RDX: variants seen among roughly 807,000 people sequenced by gnomAD.
RDX encodes the protein deafness, autosomal recessive 24.
In RDX, 32 loss-of-function variants were observed where a neutral mutation model predicts 83.7. The observed-to-expected ratio is 0.38, with a 90% confidence interval of 0.29 to 0.51. RDX has a LOEUF of 0.51. Among genes scored for constraint, RDX ranks in the 20% least tolerant of loss-of-function variants. The pLI, the probability that RDX is intolerant of heterozygous loss-of-function variation, is 0.87. For missense variants in RDX, 600 were observed against 689.9 expected (o/e 0.87, Z 1.46); for synonymous variants, 229 against 222.7 (o/e 1.03, Z -0.25).
chr11:110,175,995 G>A (rs1862764776), intron 15 of RDX, among the ~76,000 whole-genome samples: 1 of 152,186 alleles, frequency 6.6e-6, no homozygotes, highest in Non-Finnish European at 1.5e-5. Flanking sequence ...AGCAGTGGGA[G>A]AGGCGGGAGT....
At chr11:110,285,441 T>C (rs970867316) in intron 1 of RDX, among the ~76,000 whole-genome samples, 10 of 150,230 alleles carry the variant, frequency 6.7e-5, no homozygotes, top group African/African-American at 2.5e-4. Context: ...TGGCTAGGTA[T>C]GGTGGCTCGC....
At chr11:110,263,233 T>C (rs1216297971) in intron 5 of RDX, 1 of 150,514 alleles carries the variant, frequency 6.6e-6, no homozygotes, top group Non-Finnish European at 1.5e-5. Flanking sequence ...GAGCTGAGAT[T>C]GCACCACTGC....
intron 10 of RDX, among the ~76,000 whole-genome samples, chr11:110,241,774 A>G (rs1865108709): frequency 1.3e-5 from 2 of 152,226 alleles, no homozygotes; most frequent in South Asian, 4.1e-4. Context: ...CACAATAACT[A>G]AAACACAAAA....
At chr11:110,273,186 C>A in intron 2 of RDX, 1 of 433,284 alleles carries the variant, frequency 2.3e-6, no homozygotes, top group Non-Finnish European at 4.6e-6. Flanking sequence ...GAACTTCAGC[C>A]TGCACAACAG....
intron 10 of RDX, 106 bp from the exon 11 acceptor site, chr11:110,237,758 A>C: frequency 1.6e-6 from 2 of 1,238,596 alleles, no homozygotes; most frequent in South Asian, 1.2e-5. Context: ...AATTTCTAAA[A>C]GTTAGCACAC....
At chr11:110,268,045 C>CA (rs1860131949) in intron 3 of RDX, among the ~76,000 whole-genome samples, 1 of 151,954 alleles carries the variant, frequency 6.6e-6, no homozygotes, top group Non-Finnish European at 1.5e-5. Flanking sequence ...CACGGTGGCT[C>CA]ACGCCTGTAA....
intron 15 of RDX, among the ~76,000 whole-genome samples, chr11:110,184,093 A>G (rs1293676031): frequency 2.0e-5 from 3 of 152,222 alleles, no homozygotes; most frequent in Admixed American, 2.0e-4. Context: ...ATACTGTAGA[A>G]TAACAGGAGG....
chr11:110,262,796 A>G (rs1329865253), intron 5 of RDX, among the ~76,000 whole-genome samples: 5 of 152,170 alleles, frequency 3.3e-5, no homozygotes, highest in African/African-American at 4.8e-5. Flanking sequence ...GTTTTAGGTC[A>G]TGTACCTAAG....
Position 110,199,819 on chromosome 11 carries a change from T to C in RDX, c.1749-141A>G, listed in dbSNP as rs553335344. ...AGCCTGGATTATGTAGGGCCTGTTA[T>C]TGTCAAACTGTCTGCCTAATCTTTA... On this transcript the variant is annotated intron_variant, in intron 14 of 15. Transcript: ENST00000528498. 7.9e-5 allele frequency: 52 copies of C among 658,290 alleles called. No individual in the cohort carries two copies. The East Asian group carries it at 1.4e-3, about 18-fold the overall frequency. 40.8% of individuals were successfully genotyped at this position (658,290 alleles called of 1,614,324 possible).
intron 14 of RDX, among the ~76,000 whole-genome samples, chr11:110,222,807 A>G (rs894862924): frequency 3.3e-5 from 5 of 152,050 alleles, no homozygotes; most frequent in East Asian, 1.9e-4. Context: ...ACTCAAATAA[A>G]TGAATGAATG....
At chr11:110,254,325 G>C (rs749976941) in intron 8 of RDX, among the ~76,000 whole-genome samples, 26 of 152,086 alleles carry the variant, frequency 1.7e-4, no homozygotes, top group Middle Eastern at 3.2e-3. Flanking sequence ...TTTGTAAAGA[G>C]GCTAATATTC....
At chr11:110,220,342 C>T (rs1262153796) in intron 14 of RDX, among the ~76,000 whole-genome samples, 1 of 152,182 alleles carries the variant, frequency 6.6e-6, no homozygotes, top group Non-Finnish European at 1.5e-5. Context: ...TTACAATCAA[C>T]ACTCACAAGA....
intron 7 of RDX, 77 bp downstream of exon 7, chr11:110,257,690 T>C: frequency 6.8e-7 from 1 of 1,478,060 alleles, no homozygotes; most frequent in Non-Finnish European, 9.4e-7. Flanking sequence ...GAAACTACTT[T>C]GAAAAACAGG....
chr11:110,270,238 G>C (rs1359163531), intron 3 of RDX, among the ~76,000 whole-genome samples: 3 of 151,838 alleles, frequency 2.0e-5, no homozygotes, highest in African/African-American at 7.3e-5. Flanking sequence ...AAACCTAAAT[G>C]GTATAGCCTA....
At chr11:110,178,930 T>C (rs1338721720) in intron 15 of RDX, among the ~76,000 whole-genome samples, 2 of 152,334 alleles carry the variant, frequency 1.3e-5, no homozygotes, top group East Asian at 1.9e-4. Context: ...CATTGATCCC[T>C]GCCACCAGCC....
At chr11:110,276,954 T>C (rs1860541639) in intron 2 of RDX, among the ~76,000 whole-genome samples, 1 of 152,230 alleles carries the variant, frequency 6.6e-6, no homozygotes, top group Admixed American at 6.5e-5. Flanking sequence ...TTAGAGGTGA[T>C]GCCATAGACC....
intron 12 of RDX, among the ~76,000 whole-genome samples, chr11:110,235,255 C>T (rs1471486507): frequency 6.6e-6 from 1 of 151,988 alleles, no homozygotes; most frequent in East Asian, 1.9e-4. Context: ...TGGGAGGATC[C>T]CTTGAGCCCA....
intron 14 of RDX, among the ~76,000 whole-genome samples, chr11:110,219,875 G>C (rs1014448397): frequency 5.3e-5 from 8 of 152,158 alleles, no homozygotes; most frequent in Admixed American, 2.0e-4. Flanking sequence ...AAGTTTTTCA[G>C]TCTACAGGTG....
intron 10 of RDX, among the ~76,000 whole-genome samples, chr11:110,243,748 G>A (rs1298148207): frequency 6.6e-6 from 1 of 151,836 alleles, no homozygotes; most frequent in Non-Finnish European, 1.5e-5. Flanking sequence ...CAATATAAAT[G>A]TCCAAAAAGC....
Sources: allele counts gnomAD v4.1 joint callset (sites outside exome capture counted in the v4.1 genomes callset), GRCh38; gene constraint gnomAD v4.1.1; transcripts MANE v1.5; gene names NCBI Gene and HGNC (gene_info 2026-07-23, HGNC 2026-07-21).